The following AGAP1 variants were observed in gnomAD, a reference collection of about 807,000 sequenced individuals.
AGAP1 encodes arf-GAP with GTPase, ANK repeat and PH domain-containing protein 1.
In AGAP1, 29 loss-of-function variants were observed where a neutral mutation model predicts 105.3. That is an observed-to-expected ratio of 0.28 (90% confidence interval 0.21 to 0.38). The LOEUF (loss-of-function observed/expected upper bound fraction) is 0.38, where lower values mean the gene tolerates loss of function less well. Among genes scored for constraint, AGAP1 ranks in the 10% least tolerant of loss-of-function variants. The pLI, the probability that AGAP1 is intolerant of heterozygous loss-of-function variation, is 1.00. For missense variants in AGAP1, 998 were observed against 1,165.1 expected (o/e 0.86, Z 2.09); for synonymous variants, 509 against 485.9 (o/e 1.05, Z -0.63).
chr2:235,686,652 TATA>T (rs1949447295), intron 1 of AGAP1, among the ~76,000 whole-genome samples: 1 of 56,194 alleles, frequency 1.8e-5, no homozygotes, highest in Admixed American at 2.0e-4. Context: ...TATAGATATA[TATA>T]TATATATATA....
intron 13 of AGAP1, chr2:236,015,004 T>C: frequency 3.7e-6 from 1 of 269,644 alleles, no homozygotes; most frequent in South Asian, 3.6e-5. Context: ...CATGCTCCCT[T>C]ATTGTGTTTG....
chr2:236,006,855 C>CAGTGAGTGTAGTCTTG (rs2056339726), intron 13 of AGAP1, among the ~76,000 whole-genome samples: 3 of 152,072 alleles, frequency 2.0e-5, no homozygotes, highest in Non-Finnish European at 2.9e-5. Flanking sequence ...TGTTAGTCTT[C>CAGTGAGTGTAGTCTTG]CAGTGAGTTC....
At chr2:235,680,223 G>C (rs186423800) in intron 1 of AGAP1, among the ~76,000 whole-genome samples, 1 of 152,186 alleles carries the variant, frequency 6.6e-6, no homozygotes, top group Non-Finnish European at 1.5e-5. Context: ...ATAGAAGAGT[G>C]GTAAAATCTG....
Position 236,038,659 on chromosome 2 carries a change from C to CA in AGAP1, c.1800+1949dup, listed in dbSNP as rs2057454257. Among the ~76,000 whole-genome samples the CA allele has an allele frequency of 6.6e-6, 1 of 152,130 alleles. No homozygotes were observed. The highest frequency in any genetic ancestry group is 1.5e-5 in the Non-Finnish European group (1 of 68,032). Reference sequence around the variant, plus strand: ...ACTGTCCACAAGGAGTAGCGGGAGGCAAAAATACAGGCCCAGTTGACCACC... The same window carrying CA: ...ACTGTCCACAAGGAGTAGCGGGAGGCAAAAAATACAGGCCCAGTTGACCACC... On this transcript the variant is annotated intron_variant, in intron 14 of 17. Transcript: ENST00000304032. This position sits in a 1 kb window ranked among gnomAD's most constrained non-coding sequence, Gnocchi z 4.5.
rs2054015515 is a variant in AGAP1 at position 235,957,909 on chromosome 2, T to C, written c.1484-10553T>C. On this transcript the variant is annotated intron_variant, in intron 12 of 17. Transcript: ENST00000304032. The surrounding 1 kb of genome is among the most constrained non-coding windows in gnomAD (Gnocchi z 4.6). ...TGGGCCTGTCTTTGATAATTTTAAA[T>C]TATTTTAATACCAAGCAAAAAAGGA... 6.6e-6 allele frequency among the ~76,000 whole-genome samples: 1 copy of C among 152,204 alleles called. No homozygotes were observed. The highest frequency in any genetic ancestry group is 1.5e-5 in the Non-Finnish European group (1 of 68,034).
At position 235,517,072 on chromosome 2, in the gene AGAP1, G is replaced by A. The variant is rs980412959; in HGVS notation, c.163+22223G>A. 6.6e-6 allele frequency among the ~76,000 whole-genome samples: 1 copy of A among 152,174 alleles called. No individual in the cohort carries two copies. Among genetic ancestry groups the A allele is most frequent in the South Asian group, 2.1e-4 (1 of 4,832 alleles). ...ATACCACAGACTGGGAGGCCCAAAC[G>A]TATTTTCTCACAGTTCTGGAGGTTG... On this transcript the variant is annotated intron_variant, in intron 1 of 17. Transcript: ENST00000304032. This position sits in a 1 kb window ranked among gnomAD's most constrained non-coding sequence, Gnocchi z 4.1.
rs972238858 is a variant in AGAP1 at position 235,601,780 on chromosome 2, A to C, written c.163+106931A>C. ...GAGGATCACTGGAGGCCAGGAGTTT[A>C]AGACCAGCCTGGGCAACCTCTTTTA... On this transcript the variant is annotated intron_variant, in intron 1 of 17. Transcript: ENST00000304032. The surrounding 1 kb of genome is among the most constrained non-coding windows in gnomAD (Gnocchi z 4.4). Among the ~76,000 whole-genome samples the C allele has an allele frequency of 6.6e-6, 1 of 152,148 alleles. No homozygotes were observed. Among genetic ancestry groups the C allele is most frequent in the African/African-American group, 2.4e-5 (1 of 41,432 alleles).
Position 236,083,592 on chromosome 2 carries a change from TAGAA to T in AGAP1, c.2114+34315_2114+34318del, listed in dbSNP as rs775144458. ...TGCATGCTCACACCCATGCCTACAT[TAGAA>T]AGAGAAGTACCCCAAATTTGGGAGG... On this transcript the variant is annotated intron_variant, in intron 16 of 17. Transcript: ENST00000304032. The surrounding 1 kb of genome is among the most constrained non-coding windows in gnomAD (Gnocchi z 5.3). Among the ~76,000 whole-genome samples the T allele has an allele frequency of 1.3e-5, 2 of 152,202 alleles. No individual in the cohort carries two copies. Among genetic ancestry groups the T allele is most frequent in the South Asian group, 4.1e-4 (2 of 4,830 alleles).
intron 1 of AGAP1, among the ~76,000 whole-genome samples, chr2:235,502,433 G>T (rs956186343): frequency 6.6e-6 from 1 of 152,138 alleles, no homozygotes; most frequent in South Asian, 2.1e-4. Context: ...CTCCAGTATT[G>T]TTTCTTCCAT....
chr2:235,814,686 G>A (rs1230108839), intron 9 of AGAP1, among the ~76,000 whole-genome samples: 1 of 152,144 alleles, frequency 6.6e-6, no homozygotes, highest in Non-Finnish European at 1.5e-5. Context: ...GACAGGAGAG[G>A]GTGAGGGAAG....
At chr2:235,863,540 C>T (rs897048992) in intron 9 of AGAP1, among the ~76,000 whole-genome samples, 2 of 152,182 alleles carry the variant, frequency 1.3e-5, no homozygotes, top group Non-Finnish European at 2.9e-5. Context: ...TGGGATGGTA[C>T]AGGTACAGCC....
At chr2:235,527,881 G>A (rs1436473254) in intron 1 of AGAP1, among the ~76,000 whole-genome samples, 2 of 152,154 alleles carry the variant, frequency 1.3e-5, no homozygotes, top group Middle Eastern at 3.2e-3. Flanking sequence ...TATCCGTAAA[G>A]CCTCATGCCC....
At position 236,061,859 on chromosome 2, in the gene AGAP1, G is replaced by T. The variant is rs373211401; in HGVS notation, c.2114+12578G>T. ...ACACTTTTAAAGTGTGAATTTTATG[G>T]TATATAAATTATGTCAATTTTGAAA... On this transcript the variant is annotated intron_variant, in intron 16 of 17. Transcript: ENST00000304032. This position sits in a 1 kb window ranked among gnomAD's most constrained non-coding sequence, Gnocchi z 4.1. 4.0e-5 allele frequency among the ~76,000 whole-genome samples: 6 copies of T among 149,640 alleles called. No homozygotes were observed. The highest frequency in any genetic ancestry group is 2.0e-4 in the East Asian group (1 of 5,090).
At chr2:235,986,315 A>G (rs1024147515) in intron 13 of AGAP1, among the ~76,000 whole-genome samples, 4 of 152,046 alleles carry the variant, frequency 2.6e-5, no homozygotes, top group African/African-American at 9.7e-5. Context: ...TTGCACATTT[A>G]TTTTGTATAT....
intron 1 of AGAP1, among the ~76,000 whole-genome samples, chr2:235,624,155 G>C (rs1002813961): frequency 1.3e-5 from 2 of 152,220 alleles, no homozygotes; most frequent in Non-Finnish European, 2.9e-5. Context: ...GAATGTACAG[G>C]ATGGTTCAAA....
rs767708254 is a variant in AGAP1 at position 235,717,634 on chromosome 2, G to C, written c.300G>C (p.Glu100Asp). ...TGACGGGCACATATGTCCAGGAGGA[G>C]TCTCCGGAAGGTATGCTGTTTGGCA... Reference protein sequence around the residue: ...RYLTGTYVQEESPEGGRFKKE... With the variant: ...RYLTGTYVQEDSPEGGRFKKE... Residue 100 changes from glutamate (E) to aspartate (D), a missense_variant, in exon 3 of 18, where the codon GAG (glutamate) becomes GAC (aspartate). Physicochemically the swap from Glu to Asp is conservative, Grantham distance 45 (BLOSUM62 2). This residue lies in a region of AGAP1 where 735 missense variants were observed against 833.4 expected (regional missense o/e 0.88). Transcript: ENST00000304032. 1.4e-5 allele frequency: 23 copies of C among 1,601,068 alleles called. No individual in the cohort carries two copies. The highest frequency in any genetic ancestry group is 3.3e-4 in the Middle Eastern group (2 of 6,052).
At chr2:235,944,105 C>T (rs1477407207) in intron 12 of AGAP1, among the ~76,000 whole-genome samples, 2 of 152,070 alleles carry the variant, frequency 1.3e-5, no homozygotes, top group Admixed American at 1.3e-4. Context: ...ATTTCTGCAG[C>T]GGGATTTTTA....
At chr2:235,995,970 C>T (rs746296322) in intron 13 of AGAP1, among the ~76,000 whole-genome samples, 20 of 152,136 alleles carry the variant, frequency 1.3e-4, no homozygotes, top group Non-Finnish European at 2.2e-4. Flanking sequence ...AGTTTTCAGC[C>T]CTCACAGCCT....
chr2:235,805,088 T>C (rs953220508), intron 8 of AGAP1, among the ~76,000 whole-genome samples: 4 of 152,244 alleles, frequency 2.6e-5, no homozygotes, highest in African/African-American at 9.6e-5. Flanking sequence ...GACAAACTAA[T>C]TGTGGGGCTG....
Sources: gnomAD v4.1 joint callset for allele counts (sites outside exome capture counted in the v4.1 genomes callset) on GRCh38, gnomAD v4.1.1 for gene constraint, gnomAD v4.1.1 regional missense constraint, Gnocchi (gnomAD v3.1) non-coding constraint, MANE v1.5 for transcripts, NCBI Gene and HGNC (gene_info 2026-07-23, HGNC 2026-07-21) for gene names.